The following PRR12 variants were observed in gnomAD, a reference collection of about 807,000 sequenced individuals.
PRR12 encodes proline rich 12.
A neutral mutation model predicts 138.0 loss-of-function variants in PRR12; 12 were observed. The observed-to-expected ratio is 0.09, with a 90% CI of 0.06 to 0.14. PRR12 has a LOEUF of 0.14. Ranked by LOEUF, PRR12 falls within the 10% of genes least tolerant of loss-of-function variation. The probability of loss-of-function intolerance (pLI) is 1.00; values close to 1 mark genes in which losing one functional copy is unlikely to be tolerated. For missense variants in PRR12, 2,692 were observed against 2,861.3 expected (o/e 0.94, Z 1.35); for synonymous variants, 1,567 against 1,291.7 (o/e 1.21, Z -4.57).
At chr19:49,615,082 A>G (rs2080884526) in intron 8 of PRR12, 73 bp downstream of exon 8, 3 of 1,583,750 alleles carry the variant, frequency 1.9e-6, no homozygotes, top group Non-Finnish European at 1.7e-6. Flanking sequence ...CATGCAAGAG[A>G]GAAGGCTGGA....
rs2080761914 is a variant in PRR12 at position 49,595,591 on chromosome 19, G to C, written c.1256G>C (p.Ser419Thr). The C allele has an allele frequency of 6.2e-7, 1 of 1,605,998 alleles. No homozygotes were observed. ...TCGACCGCCACCCCCAAATGTCAGA[G>C]CCTGGGTGGGCCAGCAGCCGCCTAT... ...PRSTATPKCQ[S>T]LGGPAAAYAT... Residue 419 changes from serine to threonine, a missense_variant, in exon 4 of 14, where the codon AGC (serine) becomes ACC (threonine). Physicochemically the swap from Ser to Thr is moderately conservative, Grantham distance 58. Transcript: ENST00000418929.
chr19:49,607,638 G>A (rs1359816943), intron 6 of PRR12, among the ~76,000 whole-genome samples: 1 of 151,818 alleles, frequency 6.6e-6, no homozygotes, highest in African/African-American at 2.4e-5. Context: ...AGCCTGGGAG[G>A]TGGAGGTTGC....
Position 49,618,713 on chromosome 19 carries a change from C to T in PRR12, c.5498-1639C>T, listed in dbSNP as rs532563267. The stretch of plus-strand genomic sequence containing the variant: ...CTTCCTCTTTTCTTTTTCTACCTGT[C>T]GCCCCCACAGCTGGGCAGCTCCCAG... On this transcript the variant is annotated intron_variant, in intron 9 of 13. Transcript: ENST00000418929. Among the ~76,000 whole-genome samples, 606 of 152,110 alleles carry T rather than the reference C, an allele frequency of 4.0e-3. 5 individuals carry two copies. The highest frequency in any genetic ancestry group is 4.5e-3 in the Non-Finnish European group (304 of 67,978).
Position 49,594,011 on chromosome 19 carries a change from T to C in PRR12, c.200-443T>C, listed in dbSNP as rs1302431791. 6.6e-6 allele frequency among the ~76,000 whole-genome samples: 1 copy of C among 152,142 alleles called. No individual in the cohort carries two copies. Among genetic ancestry groups the C allele is most frequent in the African/African-American group, 2.4e-5 (1 of 41,426 alleles). On this transcript the variant is annotated intron_variant, in intron 2 of 13. Transcript: ENST00000418929. This position sits in a 1 kb window ranked among gnomAD's most constrained non-coding sequence, Gnocchi z 5.6. ...TCCCTTTTTCCCTCCCCATCTTTTTTTCTGAACCCTCCCACTTAGCTCAAT... is the reference window on the plus strand; with the variant it reads ...TCCCTTTTTCCCTCCCCATCTTTTTCTCTGAACCCTCCCACTTAGCTCAAT...
In PRR12 at chr19:49,594,544, C is replaced by T; in HGVS notation, c.290C>T (p.Ser97Phe). 6.2e-7 allele frequency: 1 copy of T among 1,612,930 alleles called. No individual in the cohort carries two copies. The highest frequency in any genetic ancestry group is 1.3e-5 in the African/African-American group (1 of 75,022). ...ATGAACCTTATCTCGGCCCTGGAATCCCGGGGCCCCCAGCCTGGCCCCTCC... is the reference window on the plus strand; with the variant it reads ...ATGAACCTTATCTCGGCCCTGGAATTCCGGGGCCCCCAGCCTGGCCCCTCC... The part of the protein sequence containing the change: ...SVMNLISALE[S>F]RGPQPGPSAS... Residue 97 changes from serine (S) to phenylalanine (F), a missense_variant, in exon 3 of 14, where the codon TCC becomes TTC. Physicochemically the swap from Ser to Phe is radical, Grantham distance 155. This residue lies in a region of PRR12 where 211 missense variants were observed against 266.3 expected (regional missense o/e 0.79). Transcript: ENST00000418929. The surrounding 1 kb of genome is among the most constrained non-coding windows in gnomAD (Gnocchi z 5.6).
Position 49,595,017 on chromosome 19 carries a change from C to G in PRR12, c.682C>G (p.Arg228Gly). 1 of 1,601,268 alleles carries G rather than the reference C, an allele frequency of 6.2e-7. No homozygotes were observed. The highest frequency in any genetic ancestry group is 8.5e-7 in the Non-Finnish European group (1 of 1,175,318). Reference sequence around the variant, plus strand: ...CGGTCCAGCCCAGACCCCCCCTTACCGCCCTGGCCCCCCAGACCCACCACC... The same window carrying G: ...CGGTCCAGCCCAGACCCCCCCTTACGGCCCTGGCCCCCCAGACCCACCACC... The part of the protein sequence containing the change: ...GLGPAQTPPY[R>G]PGPPDPPPPP... Residue 228 changes from arginine to glycine, a missense_variant, in exon 4 of 14, where the codon CGC becomes GGC. Around this residue, in one of 11 missense-constraint regions of PRR12, gnomAD observed 523 missense variants for 496.4 expected, o/e 1.05. Coordinates refer to ENST00000418929, the MANE Select transcript of PRR12 (RefSeq NM_020719.3).
chr19:49,594,998 A>T lies in PRR12; in HGVS notation c.663A>T (p.Pro221=), dbSNP rs1343826976. Residue 221 remains proline (P), a synonymous_variant, in exon 4 of 14, where the codon CCA becomes CCT. Coordinates refer to ENST00000418929, the MANE Select transcript of PRR12 (RefSeq NM_020719.3). The surrounding 1 kb of genome is among the most constrained non-coding windows in gnomAD (Gnocchi z 5.6). ...GGVLGPAGLG[P]AQTPPYRPGP... ...TCTTGGGGCCAGCTGGTCTCGGTCC[A>T]GCCCAGACCCCCCCTTACCGCCCTG... The T allele has an allele frequency of 6.3e-7, 1 of 1,599,308 alleles. No homozygotes were observed. Among genetic ancestry groups the T allele is most frequent in the South Asian group, 1.1e-5 (1 of 89,228 alleles).
rs773809173 is a variant in PRR12 at position 49,620,384 on chromosome 19, A to G, written c.5530A>G (p.Arg1844Gly). ...RAVPGRLLKT[R>G]AMREMYRSYV... is the part of the protein sequence containing the mutation. ...AGTACCTGGGCGTCTGCTCAAAACC[A>G]GGGCGATGCGGGAGATGTACCGGAG... Residue 1844 changes from arginine to glycine, a missense_variant, in exon 10 of 14, where the codon AGG becomes GGG. Coordinates refer to ENST00000418929, the MANE Select transcript of PRR12 (RefSeq NM_020719.3). 1.2e-6 allele frequency: 2 copies of G among 1,612,654 alleles called. No individual in the cohort carries two copies. The highest frequency in any genetic ancestry group is 2.2e-5 in the East Asian group (1 of 44,838).
chr19:49,615,232 G>A (rs557205295), intron 8 of PRR12, among the ~76,000 whole-genome samples: 2 of 151,284 alleles, frequency 1.3e-5, no homozygotes, highest in East Asian at 3.9e-4. Flanking sequence ...CCCAGAGGTG[G>A]GGGGACAGAG....
intron 6 of PRR12, among the ~76,000 whole-genome samples, chr19:49,611,922 CAAAAAAAAAA>C (rs58725614): frequency 1.0e-4 from 4 of 38,666 alleles, no homozygotes; most frequent in Non-Finnish European, 1.3e-4. Flanking sequence ...GACTCCGTCT[CAAAAAAAAAA>C]AAAAAAAAAA....
chr19:49,625,137 C>T lies in PRR12; in HGVS notation c.5901C>T (p.Tyr1967=), dbSNP rs770078374. The change falls in exon 13 of 14, where the codon TAC becomes TAT. Residue 1967 remains tyrosine, a synonymous_variant. Transcript: ENST00000418929. This position sits in a 1 kb window ranked among gnomAD's most constrained non-coding sequence, Gnocchi z 5.5. ...EFKVELEKSG[Y]YTLYHSLHHY... is the part of the protein sequence containing the mutation. ...AGGTTGAGCTGGAAAAGTCGGGATA[C>T]TATACACTCTACCATTCGCTCCACC... 20 of 1,613,620 alleles carry T rather than the reference C, an allele frequency of 1.2e-5. No homozygotes were observed. Among genetic ancestry groups the T allele is most frequent in the Admixed American group, 3.3e-5 (2 of 59,964 alleles).
intron 1 of PRR12, among the ~76,000 whole-genome samples, chr19:49,592,043 C>T (rs2080731506): frequency 6.6e-6 from 1 of 152,110 alleles, no homozygotes; most frequent in African/African-American, 2.4e-5. Context: ...GCCTGGACTT[C>T]CCCCCATCCT....
In PRR12 at chr19:49,614,359, G is replaced by A. The variant is rs2080880922; in HGVS notation, c.4774-174G>A. On this transcript the variant is annotated intron_variant, in intron 6 of 13. Transcript: ENST00000418929. The surrounding 1 kb of genome is among the most constrained non-coding windows in gnomAD (Gnocchi z 5.0). ...GGTGGGCAGGAGGCGACAGGGTCAA[G>A]TTCAAGCTGTACACAGAGCTGAACA... Among the ~76,000 whole-genome samples, 1 of 152,198 alleles carries A rather than the reference G, an allele frequency of 6.6e-6. No homozygotes were observed. The highest frequency in any genetic ancestry group is 1.5e-5 in the Non-Finnish European group (1 of 68,034).
chr19:49,596,318 G>C lies in PRR12; in HGVS notation c.1983G>C (p.Leu661Phe). The change falls in exon 4 of 14, where the codon TTG becomes TTC. Residue 661 changes from leucine (L) to phenylalanine (F), a missense_variant. Physicochemically the swap from Leu to Phe is conservative, Grantham distance 22. Coordinates refer to ENST00000418929, the MANE Select transcript of PRR12 (RefSeq NM_020719.3). The surrounding 1 kb of genome is among the most constrained non-coding windows in gnomAD (Gnocchi z 5.6). ...CTCGGACCTCAGGGGCGGACGGCTT[G>C]GTGGGCGAGGACGGGGCAGCAGATG... ...SPPRTSGADG[L>F]VGEDGAADAS... 1 of 1,610,896 alleles carries C rather than the reference G, an allele frequency of 6.2e-7. No homozygotes were observed. The highest frequency in any genetic ancestry group is 2.2e-5 in the East Asian group (1 of 44,848).
Position 49,593,396 on chromosome 19 carries a change from C to A in PRR12, c.156C>A (p.Ala52=). The change falls in exon 2 of 14, where the codon GCC becomes GCA. Residue 52 remains alanine, a synonymous_variant. Transcript: ENST00000418929. The part of the protein sequence containing the change: ...TDILHRQAYA[A]PHPLQSYATN... Reference sequence around the variant, plus strand: ...TCTTACACCGCCAGGCCTATGCGGCCCCCCACCCACTGCAAAGCTATGCCA... The same window carrying A: ...TCTTACACCGCCAGGCCTATGCGGCACCCCACCCACTGCAAAGCTATGCCA... 2 of 1,611,732 alleles carry A rather than the reference C, an allele frequency of 1.2e-6. No homozygotes were observed. The highest frequency in any genetic ancestry group is 1.7e-6 in the Non-Finnish European group (2 of 1,178,876).
Position 49,616,728 on chromosome 19 carries a change from T to C in PRR12, c.5497+509T>C, listed in dbSNP as rs1599800445. ...TGCCTTAGTGACCTCACCTGTAAAATGGGTTCATAATAGACGAAGCTCATA... is the reference window on the plus strand; with the variant it reads ...TGCCTTAGTGACCTCACCTGTAAAACGGGTTCATAATAGACGAAGCTCATA... On this transcript the variant is annotated intron_variant, in intron 9 of 13. Coordinates refer to ENST00000418929, the MANE Select transcript of PRR12 (RefSeq NM_020719.3). This position sits in a 1 kb window ranked among gnomAD's most constrained non-coding sequence, Gnocchi z 4.2. Among the ~76,000 whole-genome samples, 1 of 152,148 alleles carries C rather than the reference T, an allele frequency of 6.6e-6. No individual in the cohort carries two copies. Among genetic ancestry groups the C allele is most frequent in the Admixed American group, 6.5e-5 (1 of 15,282 alleles).
intron 6 of PRR12, among the ~76,000 whole-genome samples, chr19:49,605,667 C>G (rs771828179): frequency 6.6e-6 from 1 of 152,264 alleles, no homozygotes; most frequent in African/African-American, 2.4e-5. Context: ...GGGGCAGGGA[C>G]TTTGACCATC....
intron 8 of PRR12, 49 bp from the exon 9 acceptor site, chr19:49,615,698 T>C (rs1489849353): frequency 6.6e-7 from 1 of 1,508,850 alleles, no homozygotes; most frequent in Admixed American, 1.9e-5. Flanking sequence ...GAGGAGAATT[T>C]GGATTATTGG....
Position 49,595,034 on chromosome 19 carries a change from CCCA to C in PRR12, c.708_710del (p.Pro238del). 6.2e-7 allele frequency: 1 copy of C among 1,607,616 alleles called. No homozygotes were observed. Among genetic ancestry groups the C allele is most frequent in the Non-Finnish European group, 8.5e-7 (1 of 1,177,942 alleles). ...CCCCTTACCGCCCTGGCCCCCCAGA[CCCA>C]CCACCACCTCCTCGCCACCTCCCAA... On this transcript the variant is annotated inframe_deletion, in exon 4 of 14. Transcript: ENST00000418929.
Sources: gnomAD v4.1 joint callset for allele counts (sites outside exome capture counted in the v4.1 genomes callset) on GRCh38, gnomAD v4.1.1 for gene constraint, gnomAD v4.1.1 regional missense constraint, Gnocchi (gnomAD v3.1) non-coding constraint, MANE v1.5 for transcripts, NCBI Gene and HGNC (gene_info 2026-07-23, HGNC 2026-07-21) for gene names.